The following RAB3IP variants were observed in gnomAD, a reference collection of about 807,000 sequenced individuals.
The protein encoded by RAB3IP is rab-3A-interacting protein.
Under a neutral mutation model 59.1 loss-of-function variants are expected in RAB3IP, and 36 were observed. That is an observed-to-expected ratio of 0.61 (90% CI 0.47 to 0.80). The LOEUF (loss-of-function observed/expected upper bound fraction) is 0.80, where lower values mean the gene tolerates loss of function less well. RAB3IP is among the 30% of genes least tolerant of loss of function. The pLI, the probability that RAB3IP is intolerant of heterozygous loss-of-function variation, is 0.00. For missense variants in RAB3IP, 511 were observed against 536.0 expected, an observed-to-expected ratio of 0.95 and a Z score of 0.46; for synonymous variants, 207 against 191.2, an observed-to-expected ratio of 1.08 and a Z score of -0.68.
chr12:69,797,477 C>CTTTTTTTTTTTTTTTTT, intron 6 of RAB3IP, among the ~76,000 whole-genome samples: 6 of 54,956 alleles, frequency 1.1e-4, no homozygotes, highest in African/African-American at 4.5e-4. Flanking sequence ...TCTTTTCTTT[C>CTTTTTTTTTTTTTTTTT]TTTTTTTTTT....
At chr12:69,766,214 G>A (rs1442988255) in intron 3 of RAB3IP, among the ~76,000 whole-genome samples, 1 of 152,140 alleles carries the variant, frequency 6.6e-6, no homozygotes, top group African/African-American at 2.4e-5. Flanking sequence ...AGCAAGGTTA[G>A]GGAAATTTTC....
chr12:69,739,860 A>G (rs1887118444), intron 1 of RAB3IP: 3 of 1,612,030 alleles, frequency 1.9e-6, no homozygotes, highest in Non-Finnish European at 2.5e-6. Context: ...GGATTAAAAA[A>G]GATGAAAGGG....
chr12:69,800,490 G>A (rs534568467), intron 7 of RAB3IP, among the ~76,000 whole-genome samples, 153 bp downstream of exon 7: 7 of 152,128 alleles, frequency 4.6e-5, no homozygotes, highest in East Asian at 3.9e-4. Context: ...CTAGAATCAT[G>A]ATAATTTCTT....
At chr12:69,803,821 C>T (rs1878783503) in intron 8 of RAB3IP, among the ~76,000 whole-genome samples, 1 of 152,162 alleles carries the variant, frequency 6.6e-6, no homozygotes. Context: ...CTACAAAGGA[C>T]ATGAACTCAT....
At chr12:69,814,203 CTGTT>C (rs1200149419) in intron 10 of RAB3IP, among the ~76,000 whole-genome samples, 1 of 151,910 alleles carries the variant, frequency 6.6e-6, no homozygotes, top group Non-Finnish European at 1.5e-5. Context: ...TAATATTTTT[CTGTT>C]TGTTTAAATA....
chr12:69,806,493 T>C (rs1169040927), intron 8 of RAB3IP, among the ~76,000 whole-genome samples: 1 of 151,850 alleles, frequency 6.6e-6, no homozygotes, highest in Non-Finnish European at 1.5e-5. Flanking sequence ...GCGTCTCTAT[T>C]TCCTTCAGTT....
intron 8 of RAB3IP, chr12:69,812,568 C>T: frequency 2.0e-6 from 1 of 493,370 alleles, no homozygotes; most frequent in Admixed American, 3.7e-5. Context: ...AATGTTATGG[C>T]ATTAAACTTA....
intron 1 of RAB3IP, among the ~76,000 whole-genome samples, chr12:69,749,433 A>G (rs1185673364): frequency 6.6e-6 from 1 of 152,182 alleles, no homozygotes; most frequent in African/African-American, 2.4e-5. Flanking sequence ...GACTGCTGTT[A>G]TGTAGTATTA....
chr12:69,765,473 TC>T (rs1226921097), intron 3 of RAB3IP, among the ~76,000 whole-genome samples: 2 of 152,232 alleles, frequency 1.3e-5, no homozygotes, highest in Non-Finnish European at 2.9e-5. Flanking sequence ...CAGTCTTGCA[TC>T]CCAGGAATAA....
chr12:69,783,552 G>C (rs1316442125), intron 3 of RAB3IP, among the ~76,000 whole-genome samples: 1 of 152,126 alleles, frequency 6.6e-6, no homozygotes, highest in African/African-American at 2.4e-5. Flanking sequence ...GATGTTTGAG[G>C]GTTTAGAGCT....
chr12:69,813,746 A>C (rs1253853480), intron 10 of RAB3IP, among the ~76,000 whole-genome samples: 1 of 152,106 alleles, frequency 6.6e-6, no homozygotes, highest in African/African-American at 2.4e-5. Flanking sequence ...TGTGCCAGTT[A>C]GTATTTAAAG....
chr12:69,753,002 A>G (rs1869586223), intron 1 of RAB3IP, among the ~76,000 whole-genome samples: 1 of 152,192 alleles, frequency 6.6e-6, no homozygotes, highest in Non-Finnish European at 1.5e-5. Flanking sequence ...CTCATCTTTC[A>G]TTTGGCATAG....
chr12:69,760,397 G>A (rs1021314160), intron 3 of RAB3IP, among the ~76,000 whole-genome samples: 3 of 152,088 alleles, frequency 2.0e-5, no homozygotes. Context: ...AGACCGTGGG[G>A]AGAGGGAGAG....
rs1477675398 is a variant in RAB3IP at position 69,751,567 on chromosome 12, T to A, written c.-25-3817T>A. ...ATTCTTTGATTTTATATTTGTAGTT[T>A]TTCTAATATGCTGAAAATCTTAGTT... On this transcript the variant is annotated intron_variant, in intron 1 of 10. Transcript: ENST00000247833. 3.9e-5 allele frequency among the ~76,000 whole-genome samples: 6 copies of A among 152,184 alleles called. No homozygotes were observed. The East Asian group carries it at 1.2e-3, about 29-fold the overall frequency.
intron 7 of RAB3IP, among the ~76,000 whole-genome samples, chr12:69,800,934 A>G (rs569204206): frequency 6.6e-6 from 1 of 152,214 alleles, no homozygotes; most frequent in Non-Finnish European, 1.5e-5. Context: ...TTTTATGTTA[A>G]GTCTTTCAAG....
chr12:69,748,710 T>C (rs79994055), intron 1 of RAB3IP, among the ~76,000 whole-genome samples: 1 of 152,364 alleles, frequency 6.6e-6, no homozygotes, highest in African/African-American at 2.4e-5. Context: ...ATTTACTAAT[T>C]GGGATAATCA....
chr12:69,798,352 C>G (rs1284482182), intron 6 of RAB3IP, among the ~76,000 whole-genome samples: 2 of 150,088 alleles, frequency 1.3e-5, no homozygotes, highest in African/African-American at 4.9e-5. Context: ...ATGTCCTTCG[C>G]CCACTTTTTG....
At chr12:69,815,187 T>A (rs1450370905) in intron 10 of RAB3IP, among the ~76,000 whole-genome samples, 177 bp from the exon 11 acceptor site, 1 of 152,226 alleles carries the variant, frequency 6.6e-6, no homozygotes, top group Non-Finnish European at 1.5e-5. Flanking sequence ...TTTGCTTTAT[T>A]GATAAAACTG....
intron 3 of RAB3IP, among the ~76,000 whole-genome samples, chr12:69,779,368 C>T (rs1391402760): frequency 6.6e-5 from 10 of 150,948 alleles, no homozygotes. Flanking sequence ...CAGAAATCAC[C>T]CGTCTTCTGC....
Sources: gnomAD v4.1 joint callset for allele counts (sites outside exome capture counted in the v4.1 genomes callset) on GRCh38, gnomAD v4.1.1 for gene constraint, MANE v1.5 for transcripts, NCBI Gene and HGNC (gene_info 2026-07-23, HGNC 2026-07-21) for gene names.